Variants in RIMBP2 observed in about 807,000 individuals in gnomAD.
RIMBP2 encodes the protein RIMS binding protein 2.
In RIMBP2, 48 loss-of-function variants were observed where a neutral mutation model predicts 118.6. The ratio of observed to expected loss-of-function variants is 0.40; its 90% CI spans 0.32 to 0.51. The LOEUF is 0.51. Ranked by LOEUF, RIMBP2 falls within the 20% of genes least tolerant of loss-of-function variation. The pLI, the probability that RIMBP2 is intolerant of heterozygous loss-of-function variation, is 0.41. For missense variants in RIMBP2, 1,551 were observed against 1,768.3 expected (o/e 0.88, Z 2.20); for synonymous variants, 762 against 742.9 (o/e 1.03, Z -0.42).
intron 2 of RIMBP2, among the ~76,000 whole-genome samples, chr12:130,626,651 C>T (rs1467645563): frequency 4.0e-5 from 6 of 151,534 alleles, no homozygotes; most frequent in African/African-American, 1.5e-4. Flanking sequence ...CAATCTCCTC[C>T]ATCACCATGA....
intron 1 of RIMBP2, among the ~76,000 whole-genome samples, chr12:130,634,548 A>T (rs965220358): frequency 6.6e-6 from 1 of 151,888 alleles, no homozygotes; most frequent in Non-Finnish European, 1.5e-5. Flanking sequence ...TTGGTCCAGC[A>T]CGTCACATCA....
At chr12:130,651,083 G>T (rs2063215582) in intron 1 of RIMBP2, among the ~76,000 whole-genome samples, 1 of 152,034 alleles carries the variant, frequency 6.6e-6, no homozygotes, top group African/African-American at 2.4e-5. Flanking sequence ...AAGAACTACA[G>T]CCTGGGTCAG....
rs563574024 is a variant in RIMBP2 at position 130,437,297 on chromosome 12, G to C, written c.1657-6C>G. The C allele has an allele frequency of 6.4e-7, 1 of 1,570,116 alleles. No individual in the cohort carries two copies. Among genetic ancestry groups the C allele is most frequent in the Admixed American group, 1.8e-5 (1 of 55,860 alleles). On this transcript the variant is annotated splice_region_variant and splice_polypyrimidine_tract_variant and intron_variant, in intron 12 of 22. Coordinates refer to ENST00000690449, the MANE Select transcript of RIMBP2 (RefSeq NM_001393629.1). ...GGGAAGATGACTTCAGCCACCTGTG[G>C]ACAAGCAGAGCTGGCTCGCGGGCTG... is the stretch of plus-strand genomic sequence containing the variant.
At chr12:130,606,871 G>A (rs939419559) in intron 2 of RIMBP2, among the ~76,000 whole-genome samples, 6 of 152,242 alleles carry the variant, frequency 3.9e-5, no homozygotes, top group East Asian at 1.9e-4. Flanking sequence ...TTGCTCTGTC[G>A]CCCAGGCTAG....
chr12:130,479,613 C>T (rs561725036), intron 4 of RIMBP2, among the ~76,000 whole-genome samples: 3 of 126,976 alleles, frequency 2.4e-5, no homozygotes, highest in African/African-American at 9.1e-5. Flanking sequence ...TTCCCGGCCT[C>T]GGGCCGAGTC....
At chr12:130,599,592 A>G (rs2059755127) in intron 2 of RIMBP2, among the ~76,000 whole-genome samples, 1 of 152,236 alleles carries the variant, frequency 6.6e-6, no homozygotes, top group South Asian at 2.1e-4. Context: ...ACTAACCAGA[A>G]TTAAAAACAC....
At chr12:130,448,523 G>A (rs574115188) in intron 9 of RIMBP2, among the ~76,000 whole-genome samples, 31 of 152,372 alleles carry the variant, frequency 2.0e-4, no homozygotes, top group Admixed American at 7.2e-4. Flanking sequence ...CCAGCCCAGC[G>A]CTGCCCCTGT....
chr12:130,413,132 G>T (rs1184201418), intron 18 of RIMBP2, among the ~76,000 whole-genome samples: 1 of 152,138 alleles, frequency 6.6e-6, no homozygotes, highest in African/African-American at 2.4e-5. Flanking sequence ...GACCAGGTAG[G>T]CTGCACAAAG....
chr12:130,509,555 C>T (rs1242762146), intron 3 of RIMBP2, among the ~76,000 whole-genome samples: 3 of 152,322 alleles, frequency 2.0e-5, no homozygotes, highest in East Asian at 1.9e-4. Flanking sequence ...CTGAGCCCTG[C>T]GAGTCCTCCC....
chr12:130,510,887 TGGTTC>T (rs1245304142), intron 3 of RIMBP2, among the ~76,000 whole-genome samples: 1 of 152,156 alleles, frequency 6.6e-6, no homozygotes, highest in Non-Finnish European at 1.5e-5. Flanking sequence ...GCCATGGCTC[TGGTTC>T]GCAACAAGGA....
intron 1 of RIMBP2, among the ~76,000 whole-genome samples, chr12:130,693,727 G>A (rs1325918793): frequency 6.6e-6 from 1 of 152,204 alleles, no homozygotes; most frequent in African/African-American, 2.4e-5. Context: ...GGTGGCACAT[G>A]ACAGCTCCAA....
At chr12:130,713,745 C>T (rs979602735) in intron 1 of RIMBP2, among the ~76,000 whole-genome samples, 2 of 152,160 alleles carry the variant, frequency 1.3e-5, no homozygotes, top group Admixed American at 6.5e-5. Context: ...GGGAGACTCC[C>T]GGACACAAAG....
chr12:130,561,089 C>T lies in RIMBP2; in HGVS notation c.-216-43172G>A, dbSNP rs558146518. Among the ~76,000 whole-genome samples the T allele has an allele frequency of 8.5e-5, 13 of 152,286 alleles. No individual in the cohort carries two copies. In the South Asian group the frequency reaches 1.0e-3, roughly 12 times the overall value. ...CAGAGATCAGGGTGATGCTTCTGCA[C>T]GCCAAGGAGCCCCAAAGATGGCCAC... is the stretch of plus-strand genomic sequence containing the variant. On this transcript the variant is annotated intron_variant, in intron 2 of 22. Coordinates refer to ENST00000690449, the MANE Select transcript of RIMBP2 (RefSeq NM_001393629.1).
At chr12:130,566,961 C>T (rs12317869) in intron 2 of RIMBP2, among the ~76,000 whole-genome samples, 1 of 151,750 alleles carries the variant, frequency 6.6e-6, no homozygotes, top group South Asian at 2.1e-4. Flanking sequence ...CCTACAGCTT[C>T]GATGGTTAGG....
rs562408163 is a variant in RIMBP2, at chr12:130,618,681, G to T, written c.-217+9641C>A. Among the ~76,000 whole-genome samples the T allele has an allele frequency of 2.0e-5, 3 of 152,298 alleles. No homozygotes were observed. The East Asian group carries it at 5.8e-4, about 29-fold the overall frequency. On this transcript the variant is annotated intron_variant, in intron 2 of 22. Transcript: ENST00000690449. ...GGAGGCTCCTCAGGAAGTGATTCAG[G>T]CAAAATGCCTTCCATGGAAAGTGCC...
At chr12:130,529,876 T>C (rs2053192666) in intron 2 of RIMBP2, among the ~76,000 whole-genome samples, 1 of 152,144 alleles carries the variant, frequency 6.6e-6, no homozygotes, top group Non-Finnish European at 1.5e-5. Context: ...ATGAGAATCT[T>C]ATGCCGCCGC....
At chr12:130,463,469 G>A (rs567108936) in intron 6 of RIMBP2, among the ~76,000 whole-genome samples, 3 of 152,272 alleles carry the variant, frequency 2.0e-5, no homozygotes, top group African/African-American at 7.2e-5. Flanking sequence ...CTAAAGACAA[G>A]GGGGAAGCAT....
chr12:130,713,322 A>ACCAG (rs1194553762), intron 1 of RIMBP2, among the ~76,000 whole-genome samples: 6 of 151,994 alleles, frequency 3.9e-5, no homozygotes, highest in African/African-American at 9.7e-5. Context: ...GGGTGGTGGC[A>ACCAG]CCAGCATCAC....
intron 1 of RIMBP2, among the ~76,000 whole-genome samples, chr12:130,704,932 G>A (rs1461493604): frequency 1.3e-5 from 2 of 152,128 alleles, no homozygotes; most frequent in Non-Finnish European, 2.9e-5. Context: ...ATACCCTCCT[G>A]TGCTCGTTTC....
Sources: gnomAD v4.1 joint callset for allele counts (sites outside exome capture counted in the v4.1 genomes callset) on GRCh38, gnomAD v4.1.1 for gene constraint, MANE v1.5 for transcripts, NCBI Gene and HGNC (gene_info 2026-07-23, HGNC 2026-07-21) for gene names.